Variants in NR3C2 observed in about 807,000 individuals in gnomAD.
NR3C2 encodes the protein nuclear receptor subfamily 3 group C member 2, also known as mineralocorticoid receptor.
Under a neutral mutation model 86.4 loss-of-function variants are expected in NR3C2, and 15 were observed. That is an observed-to-expected ratio of 0.17 (90% CI 0.12 to 0.27). The LOEUF (loss-of-function observed/expected upper bound fraction) is 0.27, where lower values mean the gene tolerates loss of function less well. Ranked by LOEUF, NR3C2 falls within the 10% of genes least tolerant of loss-of-function variation. NR3C2 has a pLI of 1.00. For missense variants in NR3C2, 960 were observed against 1,195.6 expected (o/e 0.80, Z 2.91); for synonymous variants, 458 against 450.5 (o/e 1.02, Z -0.21).
chr4:148,079,948 C>CAG lies in NR3C2; in HGVS notation c.*1394_*1395dup, dbSNP rs61763138. 4 of 152,120 alleles carry CAG rather than the reference C, an allele frequency of 2.6e-5. No individual in the cohort carries two copies. Among genetic ancestry groups the CAG allele is most frequent in the East Asian group, 1.9e-4 (1 of 5,192 alleles). The allele number at this position is 152,120 out of a possible 1,614,324, so 9.4% of individuals were successfully genotyped here. A position where few individuals can be genotyped will look rare whatever the true frequency, so the allele number is the denominator to read the frequency against. On this transcript the variant is annotated 3_prime_UTR_variant, in exon 9 of 9. Coordinates refer to ENST00000358102, the MANE Select transcript of NR3C2 (RefSeq NM_000901.5). ...TCAGAAGGGAATAGCTGATCTTTAA[C>CAG]AGAGAGAGAGTGCATGGAATTTTTT...
intron 7 of NR3C2, among the ~76,000 whole-genome samples, chr4:148,115,770 A>G (rs61764254): frequency 0.013 from 2,009 of 152,348 alleles, 19 homozygotes; most frequent in Non-Finnish European, 0.022. Flanking sequence ...TGTGAGGGGA[A>G]AAATAAATCC....
intron 2 of NR3C2, among the ~76,000 whole-genome samples, chr4:148,331,096 A>G (rs1744210922): frequency 6.6e-6 from 1 of 152,210 alleles, no homozygotes; most frequent in Non-Finnish European, 1.5e-5. Context: ...GGACTAATTC[A>G]GTATATAAAG....
At chr4:148,181,030 G>T (rs1735620475) in intron 4 of NR3C2, among the ~76,000 whole-genome samples, 1 of 152,004 alleles carries the variant, frequency 6.6e-6, no homozygotes, top group African/African-American at 2.4e-5. Context: ...TTCCTGTGAC[G>T]TGTCCCACTC....
At chr4:148,122,561 A>G (rs1732555833) in intron 6 of NR3C2, among the ~76,000 whole-genome samples, 1 of 152,168 alleles carries the variant, frequency 6.6e-6, no homozygotes. Context: ...ATTTTAACTT[A>G]CTTTCCTTCC....
At chr4:148,289,927 C>A (rs1210241492) in intron 2 of NR3C2, among the ~76,000 whole-genome samples, 1 of 152,094 alleles carries the variant, frequency 6.6e-6, no homozygotes, top group Non-Finnish European at 1.5e-5. Context: ...ATCAATCCTG[C>A]CTCCAACCAC....
At chr4:148,375,655 A>AT (rs1318374405) in intron 2 of NR3C2, among the ~76,000 whole-genome samples, 1 of 152,148 alleles carries the variant, frequency 6.6e-6, no homozygotes. Flanking sequence ...CTATTTTAAT[A>AT]CGCATAGCAA....
chr4:148,221,807 T>C (rs903083019), intron 3 of NR3C2, among the ~76,000 whole-genome samples: 7 of 151,300 alleles, frequency 4.6e-5, no homozygotes, highest in East Asian at 1.9e-4. Context: ...AGCAGGAGAA[T>C]TGGTTGAACC....
At chr4:148,187,802 G>T (rs564436086) in intron 4 of NR3C2, among the ~76,000 whole-genome samples, 1 of 152,174 alleles carries the variant, frequency 6.6e-6, no homozygotes, top group Non-Finnish European at 1.5e-5. Context: ...CTAAGCCAAT[G>T]TCTAGAAGGG....
At chr4:148,261,961 T>C (rs1740145548) in intron 2 of NR3C2, among the ~76,000 whole-genome samples, 3 of 152,232 alleles carry the variant, frequency 2.0e-5, no homozygotes, top group Non-Finnish European at 4.4e-5. Context: ...TCTCCAAAGT[T>C]GTTTCTCCTT....
chr4:148,330,916 C>T (rs1182865450), intron 2 of NR3C2, among the ~76,000 whole-genome samples: 1 of 152,166 alleles, frequency 6.6e-6, no homozygotes, highest in Non-Finnish European at 1.5e-5. Flanking sequence ...CCATGTGACT[C>T]ACCTACTCCA....
intron 6 of NR3C2, among the ~76,000 whole-genome samples, chr4:148,137,949 T>C (rs1325595043): frequency 6.6e-6 from 1 of 152,218 alleles, no homozygotes; most frequent in African/African-American, 2.4e-5. Context: ...TTATTTATAA[T>C]ATGTGATGGC....
At chr4:148,189,415 T>C (rs1290118483) in intron 4 of NR3C2, among the ~76,000 whole-genome samples, 3 of 152,224 alleles carry the variant, frequency 2.0e-5, no homozygotes, top group Non-Finnish European at 4.4e-5. Context: ...GATTATCTTT[T>C]CGATATGTTG....
At chr4:148,134,776 G>A (rs1733217111) in intron 6 of NR3C2, among the ~76,000 whole-genome samples, 1 of 150,378 alleles carries the variant, frequency 6.6e-6, no homozygotes, top group South Asian at 2.1e-4. Context: ...AGCCTTCTAA[G>A]TAGCTGGGAT....
intron 6 of NR3C2, among the ~76,000 whole-genome samples, chr4:148,140,253 C>T (rs965606215): frequency 6.6e-6 from 1 of 152,184 alleles, no homozygotes; most frequent in African/African-American, 2.4e-5. Context: ...ACCTGTAAAC[C>T]CAGCTACTTG....
At chr4:148,340,737 A>G (rs559199223) in intron 2 of NR3C2, among the ~76,000 whole-genome samples, 1 of 152,268 alleles carries the variant, frequency 6.6e-6, no homozygotes, top group Admixed American at 6.5e-5. Flanking sequence ...CAAGGGATTA[A>G]TAATCAGAAT....
Position 148,081,288 on chromosome 4 carries a change from T to C in NR3C2, c.*56A>G. On this transcript the variant is annotated 3_prime_UTR_variant, in exon 9 of 9. Coordinates refer to ENST00000358102, the MANE Select transcript of NR3C2 (RefSeq NM_000901.5). ...AAAAACAGGTTTTCTTGGGTCCTTC[T>C]GGGTGTGGAACAACACAGGGAAACT... The C allele has an allele frequency of 6.2e-7, 1 of 1,611,552 alleles. No homozygotes were observed. Among genetic ancestry groups the C allele is most frequent in the South Asian group, 1.1e-5 (1 of 90,986 alleles).
At chr4:148,396,654 G>A (rs1195060597) in intron 2 of NR3C2, among the ~76,000 whole-genome samples, 1 of 152,136 alleles carries the variant, frequency 6.6e-6, no homozygotes, top group African/African-American at 2.4e-5. Context: ...GGACAAAAAT[G>A]TATGAGTCCC....
chr4:148,346,511 G>A (rs1191859728), intron 2 of NR3C2, among the ~76,000 whole-genome samples: 2 of 152,020 alleles, frequency 1.3e-5, no homozygotes, highest in East Asian at 1.9e-4. Flanking sequence ...AGAGCCCAGT[G>A]AAAGTTATGG....
chr4:148,311,641 CAT>C (rs1456215267), intron 2 of NR3C2, among the ~76,000 whole-genome samples: 3 of 152,208 alleles, frequency 2.0e-5, no homozygotes, highest in East Asian at 1.9e-4. Flanking sequence ...AATCTTGAGA[CAT>C]ATGAGTCAGA....
Sources: gnomAD v4.1 joint callset for allele counts (sites outside exome capture counted in the v4.1 genomes callset) on GRCh38, gnomAD v4.1.1 for gene constraint, MANE v1.5 for transcripts, NCBI Gene and HGNC (gene_info 2026-07-23, HGNC 2026-07-21) for gene names.